The following TIMP3 variants were observed in gnomAD, a reference collection of about 807,000 sequenced individuals.
TIMP3 encodes metalloproteinase inhibitor 3.
A neutral mutation model predicts 30.0 loss-of-function variants in TIMP3; 11 were observed. The ratio of observed to expected loss-of-function variants is 0.37; its 90% CI spans 0.23 to 0.61. The LOEUF is 0.61. Ranked by LOEUF, TIMP3 falls within the 20% of genes least tolerant of loss-of-function variation. The probability of loss-of-function intolerance (pLI) is 0.70; values close to 1 mark genes in which losing one functional copy is unlikely to be tolerated. For synonymous variants in TIMP3, 112 were observed against 111.3 expected (o/e 1.01, Z -0.04); for missense variants, 181 against 276.8 (o/e 0.65, Z 2.45).
intron 2 of TIMP3, among the ~76,000 whole-genome samples, chr22:32,850,140 A>G (rs1418971133): frequency 6.6e-6 from 1 of 150,806 alleles, no homozygotes; most frequent in African/African-American, 2.4e-5. Flanking sequence ...TATTCTTATC[A>G]TTAAACATAT....
chr22:32,843,185 C>T (rs984249377), intron 1 of TIMP3, among the ~76,000 whole-genome samples: 1 of 152,184 alleles, frequency 6.6e-6, no homozygotes, highest in Non-Finnish European at 1.5e-5. Flanking sequence ...ACAGTAGCCA[C>T]CTTACCAGCT....
chr22:32,829,568 G>A (rs968068263), intron 1 of TIMP3, among the ~76,000 whole-genome samples: 6 of 152,200 alleles, frequency 3.9e-5, no homozygotes, highest in African/African-American at 1.4e-4. Context: ...CGTGAAAAAC[G>A]GCCCGGATTT....
chr22:32,849,817 C>T (rs1314295901), intron 2 of TIMP3, among the ~76,000 whole-genome samples: 1 of 152,116 alleles, frequency 6.6e-6, no homozygotes, highest in African/African-American at 2.4e-5. Flanking sequence ...GCCTTGTTAG[C>T]TCGTAACCAT....
At chr22:32,820,884 G>A (rs774991273) in intron 1 of TIMP3, among the ~76,000 whole-genome samples, 3 of 152,222 alleles carry the variant, frequency 2.0e-5, no homozygotes, top group Non-Finnish European at 4.4e-5. Context: ...GAGTTTGCCA[G>A]ATATTGCTAA....
chr22:32,820,156 C>T (rs1028730175), intron 1 of TIMP3, among the ~76,000 whole-genome samples: 1 of 152,064 alleles, frequency 6.6e-6, no homozygotes, highest in African/African-American at 2.4e-5. Flanking sequence ...CAGGCCGTCT[C>T]TGAGGCTGGC....
intron 1 of TIMP3, among the ~76,000 whole-genome samples, chr22:32,836,955 G>A (rs1472389677): frequency 2.6e-5 from 4 of 152,226 alleles, no homozygotes; most frequent in Non-Finnish European, 5.9e-5. Context: ...TCTGGGAACA[G>A]ATTTGCTGTC....
chr22:32,862,758 G>T lies in TIMP3; in HGVS notation c.*3381G>T, dbSNP rs528951412. The T allele has an allele frequency of 2.0e-5, 3 of 152,598 alleles. No homozygotes were observed. Among genetic ancestry groups the T allele is most frequent in the Non-Finnish European group, 2.9e-5 (2 of 68,042 alleles). The allele number at this position is 152,598 out of a possible 1,614,324, so 9.5% of individuals were successfully genotyped here. A position where few individuals can be genotyped will look rare whatever the true frequency, so the allele number is the denominator to read the frequency against. On this transcript the variant is annotated 3_prime_UTR_variant, in exon 5 of 5. Transcript: ENST00000266085. ...AACTTGGAGAATAGTTTTTGCTTTG[G>T]GGGTAGAGGCTTCTTAGATTCTCCC...
In TIMP3 at chr22:32,860,908, G is replaced by C. The variant is rs1601565815; in HGVS notation, c.*1531G>C. The C allele has an allele frequency of 8.7e-6, 1 of 114,808 alleles. No individual in the cohort carries two copies. Among genetic ancestry groups the C allele is most frequent in the African/African-American group, 3.9e-5 (1 of 25,372 alleles). The allele number at this position is 114,808 out of a possible 1,614,324, so 7.1% of individuals were successfully genotyped here. A position where few individuals can be genotyped will look rare whatever the true frequency, so the allele number is the denominator to read the frequency against. ...GTTTGCAACCAGTTGTAGGGTTTCTGTTGTGTTTTTTTTTTTTTTTTTGAA... is the reference window on the plus strand; with the variant it reads ...GTTTGCAACCAGTTGTAGGGTTTCTCTTGTGTTTTTTTTTTTTTTTTTGAA... On this transcript the variant is annotated 3_prime_UTR_variant, in exon 5 of 5. Coordinates refer to ENST00000266085, the MANE Select transcript of TIMP3 (RefSeq NM_000362.5).
At chr22:32,846,680 AG>A (rs1201074398) in intron 1 of TIMP3, among the ~76,000 whole-genome samples, 3 of 152,234 alleles carry the variant, frequency 2.0e-5, no homozygotes, top group Non-Finnish European at 4.4e-5. Context: ...CTCAGGCTCC[AG>A]AGACCAGGCT....
intron 1 of TIMP3, among the ~76,000 whole-genome samples, chr22:32,811,695 G>C (rs554595701): frequency 6.6e-6 from 1 of 152,314 alleles, no homozygotes; most frequent in South Asian, 2.1e-4. Context: ...GGTGATTGGG[G>C]GGTCGGTCAT....
intron 1 of TIMP3, among the ~76,000 whole-genome samples, chr22:32,836,843 C>T (rs1045257646): frequency 3.3e-5 from 5 of 152,140 alleles, no homozygotes; most frequent in Non-Finnish European, 7.3e-5. Context: ...TATAGATGTA[C>T]CAGGGTCTCC....
At chr22:32,855,801 G>T (rs1264870456) in intron 2 of TIMP3, among the ~76,000 whole-genome samples, 1 of 152,064 alleles carries the variant, frequency 6.6e-6, no homozygotes, top group Non-Finnish European at 1.5e-5. Context: ...TTTCCTAGGG[G>T]GGCAAAATTG....
At chr22:32,811,717 A>G (rs1217192065) in intron 1 of TIMP3, among the ~76,000 whole-genome samples, 3 of 152,224 alleles carry the variant, frequency 2.0e-5, no homozygotes, top group African/African-American at 2.4e-5. Flanking sequence ...GTTCCTAGTT[A>G]GTGGATGTCA....
chr22:32,811,013 T>G (rs1175450874), intron 1 of TIMP3, among the ~76,000 whole-genome samples: 1 of 152,158 alleles, frequency 6.6e-6, no homozygotes, highest in Non-Finnish European at 1.5e-5. Flanking sequence ...GGTAACTTCA[T>G]TGGCAATTAA....
In TIMP3 at chr22:32,859,641, C is replaced by G. The variant is rs2048480127; in HGVS notation, c.*264C>G. On this transcript the variant is annotated 3_prime_UTR_variant, in exon 5 of 5. Coordinates refer to ENST00000266085, the MANE Select transcript of TIMP3 (RefSeq NM_000362.5). Reference sequence around the variant, plus strand: ...TGCCATGCCAGAAAGAATGAGGAACCTGTATTCCTCTTCTTCGTGATAATA... The same window carrying G: ...TGCCATGCCAGAAAGAATGAGGAACGTGTATTCCTCTTCTTCGTGATAATA... 1.9e-6 allele frequency: 1 copy of G among 514,722 alleles called. No individual in the cohort carries two copies. Among genetic ancestry groups the G allele is most frequent in the African/African-American group, 1.9e-5 (1 of 52,148 alleles). The allele number at this position is 514,722 out of a possible 1,614,324, so 31.9% of individuals were successfully genotyped here. A position where few individuals can be genotyped will look rare whatever the true frequency, so the allele number is the denominator to read the frequency against.
rs1374530440 is a variant in TIMP3, at chr22:32,849,531, G to A, written c.201G>A (p.Met67Ile). Residue 67 changes from methionine to isoleucine, a missense_variant, in exon 2 of 5, where the codon ATG becomes ATA. Transcript: ENST00000266085. Reference sequence around the variant, plus strand: ...CGCTGGTCTACACCATCAAGCAGATGAAGGTAGGTAATGTCATCACCCTGG... The same window carrying A: ...CGCTGGTCTACACCATCAAGCAGATAAAGGTAGGTAATGTCATCACCCTGG... ...FGTLVYTIKQ[M>I]KMYRGFTKMP... 4.3e-6 allele frequency: 7 copies of A among 1,613,108 alleles called. No individual in the cohort carries two copies. Among genetic ancestry groups the A allele is most frequent in the South Asian group, 3.3e-5 (3 of 90,804 alleles).
intron 1 of TIMP3, among the ~76,000 whole-genome samples, chr22:32,813,511 ACACAC>A (rs2046970160): frequency 1.3e-5 from 2 of 150,020 alleles, no homozygotes; most frequent in African/African-American, 5.0e-5. Context: ...ACACACACAC[ACACAC>A]ACACACACAC....
chr22:32,801,912 C>G lies in TIMP3; in HGVS notation c.-90C>G. 2.1e-6 allele frequency: 3 copies of G among 1,420,580 alleles called. No homozygotes were observed. Among genetic ancestry groups the G allele is most frequent in the South Asian group, 2.9e-5 (2 of 69,130 alleles). 88.0% of individuals were successfully genotyped at this position (1,420,580 alleles called of 1,614,324 possible). On this transcript the variant is annotated 5_prime_UTR_variant, in exon 1 of 5. Transcript: ENST00000266085. The surrounding 1 kb of genome is among the most constrained non-coding windows in gnomAD (Gnocchi z 4.7). ...TGCCCCGCACGGCCCGGCGGGCGAG[C>G]GAGCTCGGGCTGCAGCAGCCCCGCC...
In TIMP3 at chr22:32,801,968, A is replaced by G; in HGVS notation, c.-34A>G. 6.3e-7 allele frequency: 1 copy of G among 1,576,670 alleles called. No homozygotes were observed. The highest frequency in any genetic ancestry group is 8.6e-7 in the Non-Finnish European group (1 of 1,169,206). On this transcript the variant is annotated 5_prime_UTR_variant, in exon 1 of 5. Coordinates refer to ENST00000266085, the MANE Select transcript of TIMP3 (RefSeq NM_000362.5). The surrounding 1 kb of genome is among the most constrained non-coding windows in gnomAD (Gnocchi z 4.7). ...CGCGCACGGCAACTTTGGAGAGGCGAGCAGCAGCCCCGGCAGCGGCGGCAG... is the reference window on the plus strand; with the variant it reads ...CGCGCACGGCAACTTTGGAGAGGCGGGCAGCAGCCCCGGCAGCGGCGGCAG...
Sources: gnomAD v4.1 joint callset for allele counts (sites outside exome capture counted in the v4.1 genomes callset) on GRCh38, gnomAD v4.1.1 for gene constraint, Gnocchi (gnomAD v3.1) non-coding constraint, MANE v1.5 for transcripts, NCBI Gene and HGNC (gene_info 2026-07-23, HGNC 2026-07-21) for gene names.